The following UBE2R2 variants were observed in gnomAD, a reference collection of about 807,000 sequenced individuals.
UBE2R2 encodes ubiquitin conjugating enzyme E2 R2, also known as ubiquitin-conjugating enzyme E2 R2.
In UBE2R2, 1 loss-of-function variant was observed where a neutral mutation model predicts 27.8. That is an observed-to-expected ratio of 0.04 (90% CI 0.01 to 0.17). The LOEUF (loss-of-function observed/expected upper bound fraction) is 0.17. UBE2R2 is among the 10% of genes least tolerant of loss of function. The pLI is 1.00. For synonymous variants in UBE2R2, 106 were observed against 113.3 expected, an observed-to-expected ratio of 0.94 and a Z score of 0.41; for missense variants, 100 against 291.0, an observed-to-expected ratio of 0.34 and a Z score of 4.78.
chr9:33,849,913 A>G (rs1278180916), intron 1 of UBE2R2, among the ~76,000 whole-genome samples: 8 of 152,056 alleles, frequency 5.3e-5, no homozygotes, highest in Admixed American at 3.9e-4. Flanking sequence ...CCAATTCTAT[A>G]TGTATAGGAA....
At chr9:33,873,608 C>G (rs1044468990) in intron 1 of UBE2R2, among the ~76,000 whole-genome samples, 2 of 152,120 alleles carry the variant, frequency 1.3e-5, no homozygotes, top group Non-Finnish European at 2.9e-5. Flanking sequence ...CATATGTACA[C>G]AATTTCGAAT....
chr9:33,883,187 G>T (rs1821770008), intron 1 of UBE2R2, among the ~76,000 whole-genome samples: 1 of 152,102 alleles, frequency 6.6e-6, no homozygotes, highest in Admixed American at 6.6e-5. Context: ...TGAATGCAAG[G>T]TTATGAAGAT....
At chr9:33,879,391 C>A (rs1001873011) in intron 1 of UBE2R2, among the ~76,000 whole-genome samples, 6 of 152,156 alleles carry the variant, frequency 3.9e-5, no homozygotes, top group Admixed American at 1.3e-4. Flanking sequence ...TGGTGCATAT[C>A]ATCTATTCTA....
chr9:33,891,051 T>TTTTGTTTTTTTTTTG (rs1364396119), intron 2 of UBE2R2, among the ~76,000 whole-genome samples: 9 of 139,466 alleles, frequency 6.5e-5, no homozygotes, highest in East Asian at 4.4e-4. Flanking sequence ...TGTTGTGTTT[T>TTTTGTTTTTTTTTTG]TTTGTTTTTT....
At chr9:33,842,120 G>A (rs916825664) in intron 1 of UBE2R2, among the ~76,000 whole-genome samples, 1 of 152,074 alleles carries the variant, frequency 6.6e-6, no homozygotes, top group Admixed American at 6.6e-5. Flanking sequence ...TATATTTAGG[G>A]TGGGCAAAGT....
chr9:33,908,508 C>T (rs1296543392), intron 3 of UBE2R2, among the ~76,000 whole-genome samples: 1 of 129,078 alleles, frequency 7.7e-6, no homozygotes, highest in African/African-American at 2.5e-5. Flanking sequence ...AAAAAAGATC[C>T]TGCTCTTCAG....
chr9:33,877,819 G>GTCTCTC lies in UBE2R2; in HGVS notation c.178-9059_178-9058insCTCTCT, dbSNP rs1435783363. ...CCCCTCTCTGTCTGTCTGTCTGTCT[G>GTCTCTC]TCTGTCTCTCTCTCTCTCTCTCTCT... On this transcript the variant is annotated intron_variant, in intron 1 of 4. Transcript: ENST00000263228. 3.7e-4 allele frequency among the ~76,000 whole-genome samples: 34 copies of GTCTCTC among 92,998 alleles called. 1 individual carries two copies. Among genetic ancestry groups the GTCTCTC allele is most frequent in the African/African-American group, 1.7e-3 (29 of 17,442 alleles). 61.0% of individuals were successfully genotyped at this position (92,998 alleles called of 152,430 possible).
intron 1 of UBE2R2, among the ~76,000 whole-genome samples, chr9:33,850,098 A>G (rs1820931150): frequency 6.6e-6 from 1 of 152,180 alleles, no homozygotes. Flanking sequence ...AGGACCAGAG[A>G]AACGCACTGG....
chr9:33,826,525 C>T lies in UBE2R2; in HGVS notation c.177+8591C>T, dbSNP rs1213142506. Among the ~76,000 whole-genome samples, 8 of 151,996 alleles carry T rather than the reference C, an allele frequency of 5.3e-5. No individual in the cohort carries two copies. In the East Asian group the frequency reaches 1.4e-3, roughly 26 times the overall value. On this transcript the variant is annotated intron_variant, in intron 1 of 4. Transcript: ENST00000263228. ...CATTCTGGCTAACACGGTCAAACCC[C>T]GTCTCTACTAAAACTACAAAAAATT... is the stretch of plus-strand genomic sequence containing the variant.
intron 1 of UBE2R2, among the ~76,000 whole-genome samples, chr9:33,855,467 G>C (rs10971739): frequency 0.079 from 12,002 of 152,194 alleles, 685 homozygotes; most frequent in Non-Finnish European, 0.12. Flanking sequence ...TCATGAGTTT[G>C]TTTTTCCTGG....
intron 4 of UBE2R2, among the ~76,000 whole-genome samples, chr9:33,914,297 A>C (rs543021882): frequency 4.1e-4 from 62 of 152,324 alleles, no homozygotes; most frequent in Non-Finnish European, 7.2e-4. Flanking sequence ...TTTTCAGGTG[A>C]AAAAAGGGAA....
chr9:33,877,569 C>A (rs866209401), intron 1 of UBE2R2, among the ~76,000 whole-genome samples: 7 of 151,914 alleles, frequency 4.6e-5, no homozygotes, highest in Admixed American at 3.3e-4. Context: ...TACAGAAACC[C>A]CATTAATACT....
intron 3 of UBE2R2, among the ~76,000 whole-genome samples, chr9:33,906,001 C>T (rs1822345901): frequency 6.6e-6 from 1 of 152,326 alleles, no homozygotes. Flanking sequence ...CTAAATCAAT[C>T]TGCGTGTGTG....
At chr9:33,910,948 C>T (rs982657672) in intron 3 of UBE2R2, among the ~76,000 whole-genome samples, 1 of 152,016 alleles carries the variant, frequency 6.6e-6, no homozygotes, top group East Asian at 1.9e-4. Flanking sequence ...ACTAAAAATA[C>T]AAAAATTAGC....
At chr9:33,877,797 C>T (rs74790859) in intron 1 of UBE2R2, among the ~76,000 whole-genome samples, 9,821 of 141,508 alleles carry the variant, frequency 0.069, 472 homozygotes, top group Non-Finnish European at 0.1. Context: ...ATTTTTGCCC[C>T]TCTCTGTCTG....
chr9:33,891,234 G>A (rs919746266), intron 2 of UBE2R2, among the ~76,000 whole-genome samples: 13 of 151,846 alleles, frequency 8.6e-5, no homozygotes, highest in South Asian at 6.2e-4. Flanking sequence ...TAGAGACGCC[G>A]TTTTACATCT....
intron 2 of UBE2R2, among the ~76,000 whole-genome samples, chr9:33,899,794 A>G (rs1822206967): frequency 6.6e-6 from 1 of 152,190 alleles, no homozygotes; most frequent in East Asian, 1.9e-4. Flanking sequence ...CACCGCGCCC[A>G]GCCCCAGTCA....
intron 3 of UBE2R2, among the ~76,000 whole-genome samples, chr9:33,908,076 C>T (rs1042217206): frequency 2.0e-5 from 3 of 152,200 alleles, no homozygotes; most frequent in Non-Finnish European, 4.4e-5. Flanking sequence ...CCGCCTGCCT[C>T]GGCCTCCCAA....
intron 1 of UBE2R2, among the ~76,000 whole-genome samples, chr9:33,831,572 A>G (rs778965478): frequency 6.6e-6 from 1 of 152,074 alleles, no homozygotes. Context: ...ATGCATCACC[A>G]CACCTGGCTA....
Sources: allele counts gnomAD v4.1 joint callset (sites outside exome capture counted in the v4.1 genomes callset), GRCh38; gene constraint gnomAD v4.1.1; transcripts MANE v1.5; gene names NCBI Gene and HGNC (gene_info 2026-07-23, HGNC 2026-07-21).